The following MYO3B variants were observed in gnomAD, a reference collection of about 807,000 sequenced individuals.
MYO3B encodes the protein myosin-IIIb.
In MYO3B, 156 loss-of-function variants were observed where a neutral mutation model predicts 174.6. That is an observed-to-expected ratio of 0.89 (90% CI 0.78 to 1.02). The LOEUF is 1.02. Among genes scored for constraint, MYO3B ranks in the 50% least tolerant of loss-of-function variants. The pLI is 0.00. For synonymous variants in MYO3B, 563 were observed against 569.1 expected (o/e 0.99, Z 0.15); for missense variants, 1,632 against 1,639.4 (o/e 1.00, Z 0.08).
chr2:170,584,952 C>T (rs886445061), intron 32 of MYO3B, among the ~76,000 whole-genome samples: 9 of 152,190 alleles, frequency 5.9e-5, no homozygotes, highest in Admixed American at 2.6e-4. Flanking sequence ...GTTATCAGCT[C>T]GTGAAATGCA....
rs115172913 is a variant in MYO3B, at chr2:170,543,275, G to A, written c.3636+309G>A. On this transcript the variant is annotated intron_variant, in intron 31 of 34. Coordinates refer to ENST00000408978, the MANE Select transcript of MYO3B (RefSeq NM_138995.5). The stretch of plus-strand genomic sequence containing the variant: ...TCTACAGATGTTAGAGCCTCTTTTT[G>A]AGTAAGGACCCGAGGTTCTTTGGTA... Among the ~76,000 whole-genome samples the A allele has an allele frequency of 5.6e-3, 856 of 152,244 alleles. 2 individuals carry two copies. The highest frequency in any genetic ancestry group is 0.019 in the African/African-American group (783 of 41,536).
chr2:170,217,421 CT>C, intron 6 of MYO3B, 26 bp downstream of exon 6: 1 of 1,587,416 alleles, frequency 6.3e-7, no homozygotes, highest in Non-Finnish European at 8.7e-7. Flanking sequence ...CTAGTTCTTT[CT>C]TTGCACTTGT....
chr2:170,265,536 G>A lies in MYO3B; in HGVS notation c.749+29400G>A, dbSNP rs144053562. Among the ~76,000 whole-genome samples the A allele has an allele frequency of 5.3e-5, 8 of 152,328 alleles. No individual in the cohort carries two copies. The East Asian group carries it at 1.5e-3, about 29-fold the overall frequency. ...ACAGGGCACAGGCAAGGTCAGGCTA[G>A]GTCAGGGCATGTGGCAGGCATGGGC... On this transcript the variant is annotated intron_variant, in intron 7 of 34. Coordinates refer to ENST00000408978, the MANE Select transcript of MYO3B (RefSeq NM_138995.5).
At chr2:170,203,217 C>T (rs370741895) in intron 3 of MYO3B, among the ~76,000 whole-genome samples, 4 of 152,010 alleles carry the variant, frequency 2.6e-5, no homozygotes, top group Non-Finnish European at 4.4e-5. Context: ...ACATGATGCT[C>T]AGAAAAAATA....
intron 9 of MYO3B, among the ~76,000 whole-genome samples, chr2:170,371,748 C>T (rs2094247250): frequency 6.6e-6 from 1 of 151,054 alleles, no homozygotes; most frequent in Non-Finnish European, 1.5e-5. Flanking sequence ...GCCTAATTAC[C>T]CGCTCATCAT....
intron 7 of MYO3B, among the ~76,000 whole-genome samples, chr2:170,257,461 A>G (rs980003234): frequency 1.3e-5 from 2 of 152,316 alleles, no homozygotes; most frequent in Non-Finnish European, 1.5e-5. Context: ...TTGCATGGAA[A>G]CTAAACAACT....
At chr2:170,646,024 C>T (rs1698342084) in intron 32 of MYO3B, among the ~76,000 whole-genome samples, 1 of 152,090 alleles carries the variant, frequency 6.6e-6, no homozygotes, top group Non-Finnish European at 1.5e-5. Flanking sequence ...GTAATCCCAG[C>T]AATTAGGGAG....
intron 30 of MYO3B, among the ~76,000 whole-genome samples, chr2:170,525,943 G>A (rs1242494456): frequency 6.6e-6 from 1 of 152,174 alleles, no homozygotes. Context: ...TCCTACCAGT[G>A]TGGTCAAGTT....
rs996797289 is a variant in MYO3B, at chr2:170,200,067, T to C, written c.187-83T>C. ...AAAATACATAGTACATATGTTTTAC[T>C]AAGTACTTGAGCATGATGTCATATC... On this transcript the variant is annotated intron_variant, in intron 2 of 34. Coordinates refer to ENST00000408978, the MANE Select transcript of MYO3B (RefSeq NM_138995.5). The C allele has an allele frequency of 1.4e-5, 19 of 1,348,420 alleles. No homozygotes were observed. In the African/African-American group the frequency reaches 2.7e-4, roughly 19 times the overall value. 83.5% of individuals were successfully genotyped at this position (1,348,420 alleles called of 1,614,324 possible). A position where few individuals can be genotyped will look rare whatever the true frequency, so the allele number is the denominator to read the frequency against.
chr2:170,654,767 C>A lies in MYO3B; in HGVS notation c.*1646C>A, dbSNP rs1013178660. 6.0e-5 allele frequency: 9 copies of A among 151,246 alleles called. No homozygotes were observed. The highest frequency in any genetic ancestry group is 1.3e-4 in the Admixed American group (2 of 15,176). The allele number at this position is 151,246 out of a possible 1,614,324, so 9.4% of individuals were successfully genotyped here. A position where few individuals can be genotyped will look rare whatever the true frequency, so the allele number is the denominator to read the frequency against. ...TTTTGAAAGGGAGCACATTAATAGG[C>A]CTTTTATGAAGATAAATAATGAAAT... On this transcript the variant is annotated 3_prime_UTR_variant, in exon 35 of 35. Transcript: ENST00000408978.
intron 7 of MYO3B, among the ~76,000 whole-genome samples, chr2:170,292,056 A>G (rs1352769110): frequency 1.3e-5 from 2 of 152,060 alleles, no homozygotes; most frequent in African/African-American, 4.8e-5. Flanking sequence ...TTGTACATCA[A>G]TAATTCTTAG....
chr2:170,500,097 C>A (rs1054334566), intron 27 of MYO3B, among the ~76,000 whole-genome samples: 1 of 151,982 alleles, frequency 6.6e-6, no homozygotes, highest in Non-Finnish European at 1.5e-5. Flanking sequence ...ACTTTCTTTC[C>A]GTGTCCTGAA....
chr2:170,478,017 T>C (rs1685420937), intron 25 of MYO3B, among the ~76,000 whole-genome samples: 1 of 152,174 alleles, frequency 6.6e-6, no homozygotes. Flanking sequence ...TCAACTATCA[T>C]GTCTGCATTT....
At chr2:170,339,013 C>T (rs886644053) in intron 8 of MYO3B, among the ~76,000 whole-genome samples, 2 of 152,330 alleles carry the variant, frequency 1.3e-5, no homozygotes, top group South Asian at 4.2e-4. Flanking sequence ...TTATTCAAAT[C>T]TCTAATTCAG....
chr2:170,186,703 G>C lies in MYO3B; in HGVS notation c.2+8414G>C, dbSNP rs376238786. Among the ~76,000 whole-genome samples the C allele has an allele frequency of 3.9e-5, 6 of 152,206 alleles. No homozygotes were observed. The East Asian group carries it at 5.8e-4, about 15-fold the overall frequency. ...AATAGCTTGAGTAGGATTGGCATTAGTTCTTCTTTAAATGTTTAGTAAAAT... is the reference window on the plus strand; with the variant it reads ...AATAGCTTGAGTAGGATTGGCATTACTTCTTCTTTAAATGTTTAGTAAAAT... On this transcript the variant is annotated intron_variant, in intron 1 of 34. Coordinates refer to ENST00000408978, the MANE Select transcript of MYO3B (RefSeq NM_138995.5).
chr2:170,475,914 A>G (rs1355433617), intron 25 of MYO3B, among the ~76,000 whole-genome samples: 2 of 152,232 alleles, frequency 1.3e-5, no homozygotes, highest in Non-Finnish European at 2.9e-5. Flanking sequence ...TTCTTCTGCA[A>G]GAGCATCTAC....
At chr2:170,188,466 A>G (rs2105314305) in intron 1 of MYO3B, among the ~76,000 whole-genome samples, 1 of 152,212 alleles carries the variant, frequency 6.6e-6, no homozygotes, top group South Asian at 2.1e-4. Flanking sequence ...ATTTATATTC[A>G]ATATTATTGA....
intron 32 of MYO3B, among the ~76,000 whole-genome samples, chr2:170,599,797 A>G (rs1694386542): frequency 6.6e-6 from 1 of 152,190 alleles, no homozygotes; most frequent in Non-Finnish European, 1.5e-5. Context: ...TCAATATTTT[A>G]GAGTGCTTGC....
At chr2:170,282,016 A>G (rs1398279785) in intron 7 of MYO3B, among the ~76,000 whole-genome samples, 7 of 152,166 alleles carry the variant, frequency 4.6e-5, no homozygotes, top group South Asian at 2.1e-4. Flanking sequence ...CCCTTGTCAG[A>G]TGAATATTTT....
Sources: gnomAD v4.1 joint callset for allele counts (sites outside exome capture counted in the v4.1 genomes callset) on GRCh38, gnomAD v4.1.1 for gene constraint, MANE v1.5 for transcripts, NCBI Gene and HGNC (gene_info 2026-07-23, HGNC 2026-07-21) for gene names.